The following RNF212B variants were observed in gnomAD, a reference collection of about 807,000 sequenced individuals.
RNF212B encodes the protein ring finger protein 212B.
In RNF212B, 52 loss-of-function variants were observed where a neutral mutation model predicts 55.5. The ratio of observed to expected loss-of-function variants is 0.94; its 90% CI spans 0.75 to 1.18. RNF212B has a LOEUF of 1.18. Among genes scored for constraint, RNF212B ranks in the 50% most tolerant of loss-of-function variants. The pLI, the probability that RNF212B is intolerant of heterozygous loss-of-function variation, is 0.00. For synonymous variants in RNF212B, 99 were observed against 121.4 expected, an observed-to-expected ratio of 0.82 and a Z score of 1.21; for missense variants, 289 against 350.4, an observed-to-expected ratio of 0.82 and a Z score of 1.40.
At chr14:23,257,977 C>T (rs913866507) in intron 4 of RNF212B, among the ~76,000 whole-genome samples, 3 of 152,172 alleles carry the variant, frequency 2.0e-5, no homozygotes, top group African/African-American at 7.2e-5. Context: ...AAAAATCTCT[C>T]TTCTTGCACG....
Position 23,270,603 on chromosome 14 carries a change from A to C in RNF212B, c.776A>C (p.Gln259Pro), listed in dbSNP as rs1235125082. The change falls in exon 14 of 15, where the codon CAG (glutamine) becomes CCG (proline). Residue 259 changes from glutamine (Q) to proline (P), a missense_variant. Transcript: ENST00000430154. Reference protein sequence around the residue: ...TRVLTPNNFAQRESTTTLESL... With the variant: ...TRVLTPNNFAPRESTTTLESL... ...ACTGTTCCATTCTATCCTTCAGCTCAGAGGGAGAGCACAACTACACTAGAG... is the reference window on the plus strand; with the variant it reads ...ACTGTTCCATTCTATCCTTCAGCTCCGAGGGAGAGCACAACTACACTAGAG... 2 of 1,549,320 alleles carry C rather than the reference A, an allele frequency of 1.3e-6. No homozygotes were observed. The highest frequency in any genetic ancestry group is 3.9e-5 in the Admixed American group (2 of 51,002).
chr14:23,250,079 G>A (rs1456121614), intron 4 of RNF212B, among the ~76,000 whole-genome samples: 1 of 152,138 alleles, frequency 6.6e-6, no homozygotes, highest in Non-Finnish European at 1.5e-5. Flanking sequence ...TATTACGTAA[G>A]GTTATTTATT....
At chr14:23,238,737 AAAT>A (rs34688858) in intron 1 of RNF212B, among the ~76,000 whole-genome samples, 22,025 of 136,012 alleles carry the variant, frequency 0.16, 1,806 homozygotes, top group Non-Finnish European at 0.19. Flanking sequence ...CCCTGTCTCA[AAAT>A]AATAATAATA....
intron 4 of RNF212B, among the ~76,000 whole-genome samples, chr14:23,250,843 G>A (rs534190652): frequency 1.3e-5 from 2 of 152,264 alleles, no homozygotes; most frequent in South Asian, 4.1e-4. Flanking sequence ...AGCTCAAAGT[G>A]GGAAGGGGCT....
chr14:23,199,192 G>T (rs1279374242), intron 2 of RNF212B, among the ~76,000 whole-genome samples: 1 of 152,196 alleles, frequency 6.6e-6, no homozygotes, highest in Non-Finnish European at 1.5e-5. Context: ...GCCCAAGGTG[G>T]TTGGGGTACA....
intron 1 of RNF212B, among the ~76,000 whole-genome samples, chr14:23,190,199 G>A (rs1157804648): frequency 6.6e-6 from 1 of 152,004 alleles, no homozygotes; most frequent in Non-Finnish European, 1.5e-5. Flanking sequence ...GCTGTGTGAT[G>A]TCATCCAGTC....
chr14:23,235,664 A>AT (rs1326285345), upstream of RNF212B, among the ~76,000 whole-genome samples: 6 of 152,222 alleles, frequency 3.9e-5, no homozygotes, highest in African/African-American at 1.4e-4. Flanking sequence ...ACCTGATGAG[A>AT]TAGATAGTGA....
intron 2 of RNF212B, among the ~76,000 whole-genome samples, chr14:23,242,733 G>C (rs374881696): frequency 7.2e-5 from 11 of 152,168 alleles, no homozygotes; most frequent in African/African-American, 2.4e-4. Flanking sequence ...ACCACTTTGC[G>C]GGGGCCAAGG....
intron 2 of RNF212B, among the ~76,000 whole-genome samples, chr14:23,223,558 T>C (rs956138157): frequency 5.3e-5 from 8 of 152,130 alleles, no homozygotes; most frequent in Admixed American, 2.6e-4. Flanking sequence ...GGTTACACGA[T>C]GTTAGCCAGG....
In RNF212B at chr14:23,188,322, A is replaced by G. The variant is rs1354098127; in HGVS notation, c.-79+2832A>G. ...CAGGCCAGATCTCCGCATTTTCTTG[A>G]TTCTTTTGCTGGGTCCAATCTGTCA... On this transcript the variant is annotated intron_variant, in intron 1 of 15. Transcript: ENST00000399910. 8.5e-5 allele frequency: 13 copies of G among 152,144 alleles called. 1 individual carries two copies. The highest frequency in any genetic ancestry group is 8.5e-4 in the Admixed American group (13 of 15,268). The allele number at this position is 152,144 out of a possible 1,614,324, so 9.4% of individuals were successfully genotyped here.
intron 11 of RNF212B, among the ~76,000 whole-genome samples, chr14:23,267,398 C>T (rs1465184220): frequency 6.6e-6 from 1 of 151,960 alleles, no homozygotes; most frequent in African/African-American, 2.4e-5. Flanking sequence ...TAAATGGACC[C>T]CTTTATCATT....
upstream of RNF212B, among the ~76,000 whole-genome samples, chr14:23,235,998 T>A (rs1429612740): frequency 6.6e-6 from 1 of 152,206 alleles, no homozygotes; most frequent in Non-Finnish European, 1.5e-5. Context: ...GAAAAGGCCA[T>A]TTAAATACCA....
chr14:23,250,252 G>A (rs1008444564), intron 4 of RNF212B, among the ~76,000 whole-genome samples: 2 of 152,130 alleles, frequency 1.3e-5, no homozygotes, highest in Non-Finnish European at 2.9e-5. Flanking sequence ...GGCTGAGGGG[G>A]TGGATCACTT....
intron 9 of RNF212B, among the ~76,000 whole-genome samples, chr14:23,263,430 G>C (rs974216912): frequency 6.6e-6 from 1 of 152,204 alleles, no homozygotes; most frequent in Admixed American, 6.5e-5. Context: ...CTTTTGACAG[G>C]TGCCATCTCA....
intron 1 of RNF212B, among the ~76,000 whole-genome samples, chr14:23,239,331 A>G (rs1412952055): frequency 3.3e-5 from 5 of 152,142 alleles, no homozygotes; most frequent in African/African-American, 7.2e-5. Context: ...AAGTGCTGGG[A>G]TTACAGGTGT....
chr14:23,240,034 CA>C (rs5807213), intron 1 of RNF212B, among the ~76,000 whole-genome samples: 2,825 of 138,226 alleles, frequency 0.02, 87 homozygotes, highest in Middle Eastern at 0.071. Context: ...CCTCACCACT[CA>C]AAAAAAAAAA....
chr14:23,233,303 A>G (rs919998158), upstream of RNF212B, among the ~76,000 whole-genome samples: 4 of 152,120 alleles, frequency 2.6e-5, no homozygotes, highest in Non-Finnish European at 1.5e-5. Context: ...TAGGAAAACC[A>G]GAGACCTTTG....
At chr14:23,206,004 C>G (rs759714149) in intron 2 of RNF212B, among the ~76,000 whole-genome samples, 1 of 152,178 alleles carries the variant, frequency 6.6e-6, no homozygotes, top group Non-Finnish European at 1.5e-5. Context: ...TCTAATAGTA[C>G]TTTACCAGTA....
chr14:23,232,399 C>T (rs1295261459), intron 2 of RNF212B, among the ~76,000 whole-genome samples: 1 of 151,576 alleles, frequency 6.6e-6, no homozygotes, highest in Non-Finnish European at 1.5e-5. Flanking sequence ...AGGATCCCCT[C>T]CGCCCGGCAG....
Sources: allele counts gnomAD v4.1 joint callset (sites outside exome capture counted in the v4.1 genomes callset), GRCh38; gene constraint gnomAD v4.1.1; transcripts MANE v1.5; gene names NCBI Gene and HGNC (gene_info 2026-07-23, HGNC 2026-07-21).